Variants in RASA2 observed in about 807,000 individuals in gnomAD.
The protein encoded by RASA2 is ras GTPase-activating protein 2.
RASA2 carries 155 observed loss-of-function variants against 118.2 expected under a neutral mutation model. The ratio of observed to expected loss-of-function variants is 1.31; its 90% CI spans 1.15 to 1.50. RASA2 has a LOEUF of 1.50. Among genes scored for constraint, RASA2 ranks in the 40% most tolerant of loss-of-function variants. RASA2 has a pLI of 0.00. For missense variants in RASA2, 1,016 were observed against 1,009.6 expected, an observed-to-expected ratio of 1.01 and a Z score of -0.09; for synonymous variants, 353 against 349.1, an observed-to-expected ratio of 1.01 and a Z score of -0.12.
At chr3:141,509,427 C>T (rs766146554) in intron 1 of RASA2, among the ~76,000 whole-genome samples, 1 of 152,090 alleles carries the variant, frequency 6.6e-6, no homozygotes, top group Non-Finnish European at 1.5e-5. Context: ...AAAACTGCAC[C>T]TATGTGAATG....
chr3:141,517,294 C>A (rs2082041627), intron 3 of RASA2, among the ~76,000 whole-genome samples: 1 of 152,102 alleles, frequency 6.6e-6, no homozygotes. Flanking sequence ...CTCACACTGC[C>A]ATAAAGACAT....
At chr3:141,545,167 T>G (rs2082466227) in intron 5 of RASA2, among the ~76,000 whole-genome samples, 1 of 152,236 alleles carries the variant, frequency 6.6e-6, no homozygotes, top group African/African-American at 2.4e-5. Context: ...CATTGAATTA[T>G]TTTTATGATG....
chr3:141,544,975 G>A (rs533430797), intron 5 of RASA2, among the ~76,000 whole-genome samples: 2 of 152,280 alleles, frequency 1.3e-5, no homozygotes, highest in East Asian at 1.9e-4. Flanking sequence ...AACAACAGAC[G>A]TTAGGGCCTA....
chr3:141,499,441 A>G (rs569033806), intron 1 of RASA2, among the ~76,000 whole-genome samples: 15 of 152,266 alleles, frequency 9.9e-5, no homozygotes, highest in African/African-American at 3.4e-4. Context: ...CACACACGAA[A>G]AAACAGTTCT....
At position 141,573,216 on chromosome 3, in the gene RASA2, A is replaced by G. The variant is rs370772087; in HGVS notation, c.1354A>G (p.Asn452Asp). ...GAAAGAGGGAGATAATGTAGAAAAT[A>G]ATAAGGTAAGTCCTTGTTATATTAT... is the stretch of plus-strand genomic sequence containing the variant. ...KLKEGDNVENNKENLRYYVDK... is the reference protein window; with the variant it reads ...KLKEGDNVENDKENLRYYVDK... Residue 452 changes from asparagine to aspartate, a missense_variant, in exon 13 of 24, where the codon AAT becomes GAT. This residue lies in a region of RASA2 where 896 missense variants were observed against 836.4 expected (regional missense o/e 1.07). Coordinates refer to ENST00000286364, the MANE Select transcript of RASA2 (RefSeq NM_006506.5). The G allele has an allele frequency of 1.3e-6, 2 of 1,543,194 alleles. No individual in the cohort carries two copies. Among genetic ancestry groups the G allele is most frequent in the Non-Finnish European group, 8.7e-7 (1 of 1,155,082 alleles).
rs540241684 is a variant in RASA2, at chr3:141,493,113, C to G, written c.133+5897C>G. Among the ~76,000 whole-genome samples the G allele has an allele frequency of 2.6e-5, 4 of 152,298 alleles. No individual in the cohort carries two copies. In the South Asian group the frequency reaches 8.3e-4, roughly 32 times the overall value. On this transcript the variant is annotated intron_variant, in intron 1 of 23. Coordinates refer to ENST00000286364, the MANE Select transcript of RASA2 (RefSeq NM_006506.5). ...CACACAGTTGATGGCCTGTTCGGCA[C>G]TAGTCCACTATTATCAAAGTTCTTT... is the stretch of plus-strand genomic sequence containing the variant.
intron 17 of RASA2, among the ~76,000 whole-genome samples, chr3:141,583,502 A>G (rs901566113): frequency 6.6e-6 from 1 of 152,290 alleles, no homozygotes; most frequent in Middle Eastern, 3.4e-3. Context: ...ATTAAGAAAT[A>G]AAATATTCAC....
chr3:141,543,342 T>C (rs2151104482), intron 5 of RASA2, among the ~76,000 whole-genome samples: 1 of 152,276 alleles, frequency 6.6e-6, no homozygotes. Context: ...CCCTCCCCCA[T>C]TTGTAATATA....
chr3:141,540,632 A>C (rs776511381), intron 5 of RASA2, 23 bp downstream of exon 5: 1 of 1,562,502 alleles, frequency 6.4e-7, no homozygotes, highest in Non-Finnish European at 8.8e-7. Flanking sequence ...TTTAACCAAA[A>C]TCAACTAGAA....
chr3:141,611,903 A>T (rs1392998855), intron 23 of RASA2, among the ~76,000 whole-genome samples: 2 of 152,174 alleles, frequency 1.3e-5, no homozygotes, highest in Non-Finnish European at 2.9e-5. Context: ...GAGATCCCAG[A>T]CATTCTTTCT....
intron 8 of RASA2, among the ~76,000 whole-genome samples, chr3:141,559,427 C>G (rs987907519): frequency 3.3e-5 from 5 of 151,872 alleles, no homozygotes; most frequent in Non-Finnish European, 5.9e-5. Context: ...ATGCCCTTTG[C>G]GAAGGAAAAA....
At chr3:141,573,403 A>G (rs1045028108) in intron 13 of RASA2, among the ~76,000 whole-genome samples, 182 bp downstream of exon 13, 1 of 152,152 alleles carries the variant, frequency 6.6e-6, no homozygotes, top group African/African-American at 2.4e-5. Flanking sequence ...TTATTTCCTC[A>G]GTGGTTTCAC....
At chr3:141,603,435 G>A (rs2083497273) in intron 19 of RASA2, among the ~76,000 whole-genome samples, 1 of 152,006 alleles carries the variant, frequency 6.6e-6, no homozygotes, top group South Asian at 2.1e-4. Flanking sequence ...GCCAAGTGTG[G>A]TAGTGGGCGC....
chr3:141,507,500 G>A (rs947615010), intron 1 of RASA2, among the ~76,000 whole-genome samples: 31 of 152,098 alleles, frequency 2.0e-4, no homozygotes, highest in Non-Finnish European at 8.8e-5. Context: ...TTGTGAAACT[G>A]TAACTTTTAG....
At position 141,526,461 on chromosome 3, in the gene RASA2, C is replaced by G. The variant is rs2082186272; in HGVS notation, c.356-3247C>G. ...TTTTCCTCCTTCATTCTTTGTCTGT[C>G]TTCTCCTCTCCCTCTTCCCTGTTTT... On this transcript the variant is annotated intron_variant, in intron 3 of 23. Transcript: ENST00000286364. 4.6e-5 allele frequency among the ~76,000 whole-genome samples: 7 copies of G among 151,804 alleles called. No individual in the cohort carries two copies. In the South Asian group the frequency reaches 1.3e-3, roughly 27 times the overall value.
chr3:141,538,378 A>G (rs1357523157), intron 4 of RASA2, among the ~76,000 whole-genome samples: 1 of 152,204 alleles, frequency 6.6e-6, no homozygotes, highest in African/African-American at 2.4e-5. Flanking sequence ...AATTGGTAGT[A>G]TGAACTTTTA....
At chr3:141,539,956 C>T (rs367698902) in intron 4 of RASA2, among the ~76,000 whole-genome samples, 11 of 152,140 alleles carry the variant, frequency 7.2e-5, no homozygotes, top group East Asian at 3.8e-4. Flanking sequence ...CTAGATTGTA[C>T]GCTGCTTGTA....
intron 3 of RASA2, 93 bp from the exon 4 acceptor site, chr3:141,529,615 T>A: frequency 4.0e-6 from 3 of 753,936 alleles, no homozygotes; most frequent in Non-Finnish European, 3.9e-6. Context: ...CATTTTAAAA[T>A]ATTTTCTATA....
chr3:141,556,399 GT>G (rs373776850), intron 7 of RASA2, among the ~76,000 whole-genome samples: 185 of 152,256 alleles, frequency 1.2e-3, no homozygotes, highest in African/African-American at 4.3e-3. Flanking sequence ...CTGACTCAGA[GT>G]TTTTGTAAGA....
Sources: allele counts gnomAD v4.1 joint callset (sites outside exome capture counted in the v4.1 genomes callset), GRCh38; gene constraint gnomAD v4.1.1; regional missense constraint gnomAD v4.1.1; transcripts MANE v1.5; gene names NCBI Gene and HGNC (gene_info 2026-07-23, HGNC 2026-07-21).